The following XYLT1 variants were observed in gnomAD, a reference collection of about 807,000 sequenced individuals.
The protein encoded by XYLT1 is beta-D-xylosyltransferase 1.
A neutral mutation model predicts 91.3 loss-of-function variants in XYLT1; 36 were observed. The ratio of observed to expected loss-of-function variants is 0.39; its 90% CI spans 0.30 to 0.52. The LOEUF is 0.52. Ranked by LOEUF, XYLT1 falls within the 20% of genes least tolerant of loss-of-function variation. The pLI is 0.68. For missense variants in XYLT1, 1,242 were observed against 1,284.5 expected (o/e 0.97, Z 0.51); for synonymous variants, 588 against 532.0 (o/e 1.11, Z -1.45).
intron 2 of XYLT1, among the ~76,000 whole-genome samples, chr16:17,298,655 C>T (rs1430447344): frequency 6.6e-6 from 1 of 152,144 alleles, no homozygotes; most frequent in African/African-American, 2.4e-5. Flanking sequence ...AGTCTTCACC[C>T]GGCAGGGAAG....
intron 6 of XYLT1, among the ~76,000 whole-genome samples, chr16:17,145,792 G>A (rs1171403939): frequency 6.6e-6 from 1 of 152,246 alleles, no homozygotes; most frequent in Non-Finnish European, 1.5e-5. Context: ...GACAGGGCAG[G>A]TAGCCAGGGC....
chr16:17,455,044 C>T (rs954011780), intron 1 of XYLT1, among the ~76,000 whole-genome samples: 4 of 151,620 alleles, frequency 2.6e-5, no homozygotes, highest in African/African-American at 7.3e-5. Flanking sequence ...AACTCCCAGA[C>T]GCAATGTTAA....
chr16:17,395,465 G>A (rs571212624), intron 1 of XYLT1, among the ~76,000 whole-genome samples: 6 of 152,234 alleles, frequency 3.9e-5, no homozygotes, highest in South Asian at 2.1e-4. Flanking sequence ...AGCCATGATC[G>A]CACCACTGCA....
intron 8 of XYLT1, among the ~76,000 whole-genome samples, chr16:17,135,987 A>G (rs1285997966): frequency 1.3e-5 from 2 of 152,162 alleles, no homozygotes; most frequent in African/African-American, 4.8e-5. Flanking sequence ...TGCGGAGACA[A>G]ATAAAACACA....
At chr16:17,121,023 A>G (rs140684716) in intron 10 of XYLT1, among the ~76,000 whole-genome samples, 1 of 152,216 alleles carries the variant, frequency 6.6e-6, no homozygotes, top group African/African-American at 2.4e-5. Flanking sequence ...TAATCAATCT[A>G]TGTATCACCT....
chr16:17,381,499 G>C (rs1417214588), intron 1 of XYLT1, among the ~76,000 whole-genome samples: 1 of 144,538 alleles, frequency 6.9e-6, no homozygotes, highest in Non-Finnish European at 1.5e-5. Context: ...GCATGATCTC[G>C]GCTCACTGCA....
intron 8 of XYLT1, among the ~76,000 whole-genome samples, chr16:17,135,119 T>G (rs1214596975): frequency 6.6e-6 from 1 of 152,154 alleles, no homozygotes; most frequent in Non-Finnish European, 1.5e-5. Context: ...GTATTTTAGC[T>G]AGCCATATTT....
At chr16:17,349,528 G>A (rs980729907) in intron 2 of XYLT1, among the ~76,000 whole-genome samples, 3 of 151,914 alleles carry the variant, frequency 2.0e-5, no homozygotes, top group African/African-American at 7.3e-5. Context: ...TCTGTAAAAT[G>A]GGGTTAAGGT....
chr16:17,243,813 G>A (rs1211855083), intron 3 of XYLT1, among the ~76,000 whole-genome samples: 6 of 152,088 alleles, frequency 3.9e-5, no homozygotes, highest in Non-Finnish European at 5.9e-5. Context: ...GAGGGGTGAG[G>A]GGGAGGCTTT....
At chr16:17,300,265 T>C (rs1396432828) in intron 2 of XYLT1, among the ~76,000 whole-genome samples, 1 of 152,132 alleles carries the variant, frequency 6.6e-6, no homozygotes, top group Non-Finnish European at 1.5e-5. Context: ...TTTCTAGGCA[T>C]GTAACCTTCA....
chr16:17,114,500 C>A (rs1021003755), intron 11 of XYLT1, among the ~76,000 whole-genome samples: 11 of 152,126 alleles, frequency 7.2e-5, no homozygotes, highest in African/African-American at 2.4e-4. Context: ...GGAAAATTTC[C>A]CCATGTATTT....
chr16:17,287,487 T>C (rs1273170780), intron 2 of XYLT1, among the ~76,000 whole-genome samples: 2 of 152,198 alleles, frequency 1.3e-5, no homozygotes, highest in Non-Finnish European at 2.9e-5. Context: ...CGGTACCGCA[T>C]GTGGCCAAAT....
chr16:17,224,716 A>G (rs1403108895), intron 3 of XYLT1, among the ~76,000 whole-genome samples: 4 of 152,224 alleles, frequency 2.6e-5, no homozygotes, highest in Non-Finnish European at 4.4e-5. Context: ...CCCCTCTGTT[A>G]TACACAATTA....
chr16:17,136,829 A>G (rs2030742034), intron 8 of XYLT1, among the ~76,000 whole-genome samples: 1 of 152,104 alleles, frequency 6.6e-6, no homozygotes, highest in Non-Finnish European at 1.5e-5. Context: ...TCCTTGTCAG[A>G]GGCTACAATG....
At chr16:17,201,437 C>A (rs942892242) in intron 3 of XYLT1, among the ~76,000 whole-genome samples, 1 of 151,580 alleles carries the variant, frequency 6.6e-6, no homozygotes, top group Non-Finnish European at 1.5e-5. Flanking sequence ...AGACAGAATG[C>A]TAGACTTTTG....
intron 6 of XYLT1, among the ~76,000 whole-genome samples, chr16:17,145,983 G>A (rs2031121475): frequency 6.6e-6 from 1 of 152,230 alleles, no homozygotes; most frequent in Non-Finnish European, 1.5e-5. Context: ...TCCCTTCCAG[G>A]TCCTAGGACA....
chr16:17,455,499 C>A (rs2036728309), intron 1 of XYLT1, among the ~76,000 whole-genome samples: 1 of 151,818 alleles, frequency 6.6e-6, no homozygotes. Flanking sequence ...ACCTGTAATC[C>A]CAGCACTCTG....
At chr16:17,335,735 T>A (rs2034970972) in intron 2 of XYLT1, among the ~76,000 whole-genome samples, 1 of 151,986 alleles carries the variant, frequency 6.6e-6, no homozygotes, top group Non-Finnish European at 1.5e-5. Context: ...AACTTTTCCA[T>A]TTTTTGCCCT....
chr16:17,167,030 A>G (rs2031702957), intron 5 of XYLT1, among the ~76,000 whole-genome samples: 1 of 152,206 alleles, frequency 6.6e-6, no homozygotes, highest in African/African-American at 2.4e-5. Flanking sequence ...ATTTTACAAT[A>G]CACATCCAGG....
Sources: allele counts gnomAD v4.1 joint callset (sites outside exome capture counted in the v4.1 genomes callset), GRCh38; gene constraint gnomAD v4.1.1; transcripts MANE v1.5; gene names NCBI Gene and HGNC (gene_info 2026-07-23, HGNC 2026-07-21).